The following EBAG9 variants were observed in gnomAD, a reference collection of about 807,000 sequenced individuals.
EBAG9 encodes estrogen receptor binding site associated antigen 9.
In EBAG9, 16 loss-of-function variants were observed where a neutral mutation model predicts 30.9. That is an observed-to-expected ratio of 0.52 (90% CI 0.35 to 0.79). The LOEUF is 0.79. Among genes scored for constraint, EBAG9 ranks in the 30% least tolerant of loss-of-function variants. The pLI is 0.01. For synonymous variants in EBAG9, 93 were observed against 82.8 expected (o/e 1.12, Z -0.67); for missense variants, 197 against 242.1 (o/e 0.81, Z 1.24).
intron 1 of EBAG9, among the ~76,000 whole-genome samples, chr8:109,543,527 C>G (rs1402763694): frequency 6.6e-6 from 1 of 152,080 alleles, no homozygotes; most frequent in Non-Finnish European, 1.5e-5. Context: ...TGAGGTATAG[C>G]ATACAAACAG....
At chr8:109,543,881 A>C (rs1178988193) in intron 1 of EBAG9, among the ~76,000 whole-genome samples, 1 of 152,062 alleles carries the variant, frequency 6.6e-6, no homozygotes, top group African/African-American at 2.4e-5. Context: ...AAATACAAAA[A>C]TTAGCGGGTG....
chr8:109,563,649 C>T, intron 6 of EBAG9: 1 of 1,123,604 alleles, frequency 8.9e-7, no homozygotes, highest in Non-Finnish European at 1.2e-6. Context: ...CACAGGTAAA[C>T]ATGTGTCAAG....
chr8:109,556,315 T>C (rs541376240), intron 4 of EBAG9, among the ~76,000 whole-genome samples: 91 of 152,112 alleles, frequency 6.0e-4, no homozygotes, highest in Non-Finnish European at 8.8e-5. Flanking sequence ...TGATAACATT[T>C]ACATTCTTTG....
rs542433300 is a variant in EBAG9 at position 109,564,947 on chromosome 8, A to T, written c.*388A>T. On this transcript the variant is annotated 3_prime_UTR_variant, in exon 7 of 7. Transcript: ENST00000337573. ...TTCCTTCAATGTGCATAATGATAAA[A>T]TAAATAATTTTAATATTCTTTTGTT... 1 of 153,176 alleles carries T rather than the reference A, an allele frequency of 6.5e-6. No individual in the cohort carries two copies. Among genetic ancestry groups the T allele is most frequent in the South Asian group, 2.1e-4 (1 of 4,836 alleles). The allele number at this position is 153,176 out of a possible 1,614,324, so 9.5% of individuals were successfully genotyped here. A position where few individuals can be genotyped will look rare whatever the true frequency, so the allele number is the denominator to read the frequency against.
At chr8:109,540,140 G>A (rs1821240929), upstream of EBAG9, 1 of 152,446 alleles carries the variant, frequency 6.6e-6, no homozygotes, top group Non-Finnish European at 1.5e-5. Context: ...GGTGACCTCT[G>A]GGGTGAGGAA....
chr8:109,559,816 A>G (rs1821675989), intron 5 of EBAG9, among the ~76,000 whole-genome samples: 1 of 137,762 alleles, frequency 7.3e-6, no homozygotes. Flanking sequence ...GCTGATTCCT[A>G]AAAAAAAAAA....
In EBAG9 at chr8:109,565,303, G is replaced by GT. The variant is rs1821805001; in HGVS notation, c.*750dup. On this transcript the variant is annotated 3_prime_UTR_variant, in exon 7 of 7. Coordinates refer to ENST00000337573, the MANE Select transcript of EBAG9 (RefSeq NM_004215.5). Reference sequence around the variant, plus strand: ...TGAGTTTCAAGAACTAGTATTAGTAGTTTTTTCCTTTCATTATAGATTGTA... The same window carrying GT: ...TGAGTTTCAAGAACTAGTATTAGTAGTTTTTTTCCTTTCATTATAGATTGTA... 1 of 152,262 alleles carries GT rather than the reference G, an allele frequency of 6.6e-6. No individual in the cohort carries two copies. Among genetic ancestry groups the GT allele is most frequent in the African/African-American group, 2.4e-5 (1 of 41,426 alleles). 9.4% of individuals were successfully genotyped at this position (152,262 alleles called of 1,614,324 possible). A position where few individuals can be genotyped will look rare whatever the true frequency, so the allele number is the denominator to read the frequency against.
intron 1 of EBAG9, among the ~76,000 whole-genome samples, chr8:109,541,853 T>G (rs893811468): frequency 6.6e-6 from 1 of 152,224 alleles, no homozygotes; most frequent in Non-Finnish European, 1.5e-5. Flanking sequence ...TCAAAGGATA[T>G]TCCTGCCTGC....
At chr8:109,552,355 T>C (rs1821511594) in intron 2 of EBAG9, among the ~76,000 whole-genome samples, 1 of 150,978 alleles carries the variant, frequency 6.6e-6, no homozygotes, top group South Asian at 2.1e-4. Context: ...AAGAAAGAAA[T>C]GGAAAATTTA....
At chr8:109,542,039 C>T (rs988834658) in intron 1 of EBAG9, among the ~76,000 whole-genome samples, 1 of 152,120 alleles carries the variant, frequency 6.6e-6, no homozygotes, top group African/African-American at 2.4e-5. Flanking sequence ...TGAATGGAGT[C>T]ACTGGATGTG....
At chr8:109,560,089 G>A (rs189456661) in intron 5 of EBAG9, among the ~76,000 whole-genome samples, 19 of 152,256 alleles carry the variant, frequency 1.2e-4, no homozygotes, top group Non-Finnish European at 2.4e-4. Context: ...TGTGTTCACA[G>A]ATTGGTACCA....
At position 109,560,922 on chromosome 8, in the gene EBAG9, G is replaced by T; in HGVS notation, c.514G>T (p.Val172Phe). 6.2e-7 allele frequency: 1 copy of T among 1,612,096 alleles called. No individual in the cohort carries two copies. Among genetic ancestry groups the T allele is most frequent in the Non-Finnish European group, 8.5e-7 (1 of 1,178,838 alleles). ...AGATGCAGCCTGGCAAGCAGAAGAAGTTCTGAGGTATTTGAGTGGCATTTA... is the reference window on the plus strand; with the variant it reads ...AGATGCAGCCTGGCAAGCAGAAGAATTTCTGAGGTATTTGAGTGGCATTTA... ...EEDAAWQAEE[V>F]LRQQKLADRE... The change falls in exon 6 of 7, where the codon GTT (valine) becomes TTT (phenylalanine). Residue 172 changes from valine (V) to phenylalanine (F), a missense_variant. Transcript: ENST00000337573.
chr8:109,557,484 C>G (rs73700654), intron 5 of EBAG9, among the ~76,000 whole-genome samples: 2,325 of 152,246 alleles, frequency 0.015, 30 homozygotes, highest in Middle Eastern at 0.054. Flanking sequence ...AGCTGAGGTT[C>G]TCAACCTTGG....
chr8:109,549,698 C>CT (rs773105615), intron 1 of EBAG9, among the ~76,000 whole-genome samples: 3 of 152,012 alleles, frequency 2.0e-5, no homozygotes, highest in Non-Finnish European at 4.4e-5. Flanking sequence ...TCTGCAGACT[C>CT]TAACAATGTT....
chr8:109,555,841 A>T (rs1050641145), intron 4 of EBAG9, among the ~76,000 whole-genome samples: 1 of 152,140 alleles, frequency 6.6e-6, no homozygotes, highest in Non-Finnish European at 1.5e-5. Context: ...TTTTTAAATC[A>T]AAAACTGTAG....
At chr8:109,546,936 C>T (rs576474548) in intron 1 of EBAG9, among the ~76,000 whole-genome samples, 79 of 152,240 alleles carry the variant, frequency 5.2e-4, no homozygotes, top group African/African-American at 1.9e-3. Flanking sequence ...TGTCCACTCA[C>T]CTGTTGATAT....
At chr8:109,561,977 C>A (rs980431948) in intron 6 of EBAG9, among the ~76,000 whole-genome samples, 1 of 116,350 alleles carries the variant, frequency 8.6e-6, no homozygotes, top group Non-Finnish European at 1.7e-5. Flanking sequence ...AAATTTAGTT[C>A]TTATTTAATC....
intron 2 of EBAG9, among the ~76,000 whole-genome samples, chr8:109,552,328 TCACTGGGGCA>T: frequency 1.3e-5 from 2 of 150,856 alleles, no homozygotes; most frequent in Admixed American, 1.3e-4. Context: ...CTCTGGATGA[TCACTGGGGCA>T]GAAGTGAAGA....
At position 109,554,020 on chromosome 8, in the gene EBAG9, A is replaced by G. The variant is rs142975749; in HGVS notation, c.162+77A>G. The G allele has an allele frequency of 4.9e-4, 517 of 1,049,030 alleles. 4 individuals carry two copies. The African/African-American group carries it at 7.7e-3, about 16-fold the overall frequency. 65.0% of individuals were successfully genotyped at this position (1,049,030 alleles called of 1,614,324 possible). On this transcript the variant is annotated intron_variant, in intron 3 of 6. Coordinates refer to ENST00000337573, the MANE Select transcript of EBAG9 (RefSeq NM_004215.5). ...TAAGTGTCCTAGAACAATATTTTAA[A>G]AACTGGATTGCAGATCATTAATAGA...
Sources: allele counts gnomAD v4.1 joint callset (sites outside exome capture counted in the v4.1 genomes callset), GRCh38; gene constraint gnomAD v4.1.1; transcripts MANE v1.5; gene names NCBI Gene and HGNC (gene_info 2026-07-23, HGNC 2026-07-21).